DMXL1: variants seen among roughly 807,000 people sequenced by gnomAD.
The protein encoded by DMXL1 is dmX-like protein 1.
DMXL1 carries 99 observed loss-of-function variants against 319.2 expected under a neutral mutation model. That is an observed-to-expected ratio of 0.31 (90% CI 0.26 to 0.37). The LOEUF is 0.37. Ranked by LOEUF, DMXL1 falls within the 10% of genes least tolerant of loss-of-function variation. DMXL1 has a pLI of 1.00. For synonymous variants in DMXL1, 1,385 were observed against 1,235.2 expected (o/e 1.12, Z -2.54); for missense variants, 3,745 against 3,595.6 (o/e 1.04, Z -1.06).
intron 26 of DMXL1, among the ~76,000 whole-genome samples, chr5:119,176,232 T>G (rs1372309993): frequency 1.3e-5 from 2 of 152,072 alleles, no homozygotes; most frequent in Admixed American, 6.6e-5. Context: ...AAAATTATTT[T>G]GAGTATGGAG....
At chr5:119,225,139 A>C (rs190341890) in intron 38 of DMXL1, among the ~76,000 whole-genome samples, 89 of 152,126 alleles carry the variant, frequency 5.9e-4, no homozygotes, top group Admixed American at 1.1e-3. Context: ...TTAATAATAG[A>C]ACCACTGCCA....
chr5:119,147,601 CT>C (rs1366822420), intron 17 of DMXL1, 131 bp downstream of exon 17: 10 of 619,126 alleles, frequency 1.6e-5, no homozygotes, highest in African/African-American at 3.7e-5. Context: ...TTCAAGTACC[CT>C]AAATTGAAGA....
At chr5:119,074,904 A>G (rs1038403784) in intron 1 of DMXL1, among the ~76,000 whole-genome samples, 1 of 152,212 alleles carries the variant, frequency 6.6e-6, no homozygotes, top group African/African-American at 2.4e-5. Context: ...CTGTTTATCC[A>G]TTAGCAAGTT....
chr5:119,090,050 C>T (rs1426802922), intron 1 of DMXL1, among the ~76,000 whole-genome samples: 5 of 78,308 alleles, frequency 6.4e-5, no homozygotes, highest in Admixed American at 1.8e-4. Flanking sequence ...GAAGGACTTT[C>T]GCTCTTGTCG....
At chr5:119,077,718 A>G (rs1262731158) in intron 1 of DMXL1, among the ~76,000 whole-genome samples, 2 of 139,590 alleles carry the variant, frequency 1.4e-5, no homozygotes, top group African/African-American at 5.5e-5. Flanking sequence ...ACACTTAAAA[A>G]TATATGTATG....
At chr5:119,173,754 G>GTATA (rs1192629133) in intron 25 of DMXL1, among the ~76,000 whole-genome samples, 38 of 77,984 alleles carry the variant, frequency 4.9e-4, no homozygotes, top group South Asian at 1.1e-3. Flanking sequence ...ATATGTGTGT[G>GTATA]TATATATATA....
chr5:119,093,526 A>ACCTC (rs1755265955), intron 1 of DMXL1, among the ~76,000 whole-genome samples: 3 of 151,766 alleles, frequency 2.0e-5, no homozygotes, highest in South Asian at 4.2e-4. Context: ...CTGCGCTCAG[A>ACCTC]CCTCCCTATT....
intron 3 of DMXL1, 64 bp from the exon 4 acceptor site, chr5:119,105,116 C>G: frequency 1.9e-6 from 2 of 1,032,038 alleles, no homozygotes; most frequent in East Asian, 2.4e-5. Flanking sequence ...CAAGCATAAA[C>G]GTACACATTT....
chr5:119,149,434 G>A lies in DMXL1; in HGVS notation c.3607G>A (p.Val1203Met), dbSNP rs756129228. 3.1e-6 allele frequency: 5 copies of A among 1,613,926 alleles called. No homozygotes were observed. The highest frequency in any genetic ancestry group is 3.3e-5 in the Admixed American group (2 of 60,004). The change falls in exon 18 of 44, where the codon GTG (valine) becomes ATG (methionine). Residue 1203 changes from valine to methionine, a missense_variant. Coordinates refer to ENST00000539542, the MANE Select transcript of DMXL1 (RefSeq NM_001290321.3). ...PLSKFVLLRS[V>M]DLVSSVDGSP... is the part of the protein sequence containing the mutation. ...TTCTAAATTTGTACTATTACGAAGT[G>A]TGGACCTAGTTTCTTCTGTAGATGG... is the stretch of plus-strand genomic sequence containing the variant.
intron 6 of DMXL1, among the ~76,000 whole-genome samples, chr5:119,115,445 G>C (rs565231759): frequency 1.3e-5 from 2 of 152,204 alleles, no homozygotes; most frequent in African/African-American, 4.8e-5. Flanking sequence ...AGCATTTCAC[G>C]AGCTGCTAAT....
At chr5:119,234,477 C>A (rs9327091) in intron 39 of DMXL1, among the ~76,000 whole-genome samples, 24,208 of 152,118 alleles carry the variant, frequency 0.16, 2,114 homozygotes, top group Middle Eastern at 0.24. Flanking sequence ...TCATTGTGTG[C>A]TGCAACCTTT....
chr5:119,212,784 G>T (rs1783027639), intron 34 of DMXL1, among the ~76,000 whole-genome samples: 1 of 151,858 alleles, frequency 6.6e-6, no homozygotes, highest in South Asian at 2.1e-4. Context: ...TATGTTGTGA[G>T]GCCTTTAACA....
chr5:119,171,411 G>C, intron 24 of DMXL1, 131 bp downstream of exon 24: 1 of 877,782 alleles, frequency 1.1e-6, no homozygotes, highest in Non-Finnish European at 1.7e-6. Flanking sequence ...CCTTTTGTGT[G>C]GTCCTTCATA....
chr5:119,105,804 A>G (rs965210403), intron 4 of DMXL1, among the ~76,000 whole-genome samples: 5 of 151,714 alleles, frequency 3.3e-5, no homozygotes, highest in African/African-American at 1.2e-4. Context: ...GGCTGAGGCT[A>G]GAGAATCGTT....
At chr5:119,237,276 C>A in intron 39 of DMXL1, 46 bp from the exon 40 acceptor site, 1 of 1,165,796 alleles carries the variant, frequency 8.6e-7, no homozygotes, top group Non-Finnish European at 1.2e-6. Flanking sequence ...TAAATATATG[C>A]TTTTATATTT....
intron 18 of DMXL1, 100 bp downstream of exon 18, chr5:119,150,521 G>C: frequency 7.7e-7 from 1 of 1,292,892 alleles, no homozygotes; most frequent in Non-Finnish European, 1.0e-6. Flanking sequence ...AGGCACAGGG[G>C]CTTATGCCTG....
intron 32 of DMXL1, 83 bp downstream of exon 32, chr5:119,198,039 A>C: frequency 7.5e-7 from 1 of 1,336,096 alleles, no homozygotes; most frequent in Non-Finnish European, 1.1e-6. Flanking sequence ...TCCGGGCTGG[A>C]GTGCAGTGGC....
chr5:119,198,495 A>G (rs556288304), intron 32 of DMXL1, among the ~76,000 whole-genome samples: 1 of 152,218 alleles, frequency 6.6e-6, no homozygotes, highest in Non-Finnish European at 1.5e-5. Context: ...CCTGCTCTAG[A>G]ACGATGCTTT....
intron 19 of DMXL1, among the ~76,000 whole-genome samples, chr5:119,160,352 C>G (rs1242046151): frequency 6.6e-6 from 1 of 152,032 alleles, no homozygotes; most frequent in African/African-American, 2.4e-5. Context: ...TCCAAGATTT[C>G]TCCTGTTATT....
Sources: allele counts gnomAD v4.1 joint callset (sites outside exome capture counted in the v4.1 genomes callset), GRCh38; gene constraint gnomAD v4.1.1; transcripts MANE v1.5; gene names NCBI Gene and HGNC (gene_info 2026-07-23, HGNC 2026-07-21).